The following GRIK2 variants were observed in gnomAD, a reference collection of about 807,000 sequenced individuals.
GRIK2 encodes the protein glutamate ionotropic receptor kainate type subunit 2, also known as glutamate receptor ionotropic, kainate 2.
A neutral mutation model predicts 100.3 loss-of-function variants in GRIK2; 32 were observed. The observed-to-expected ratio is 0.32, with a 90% CI of 0.24 to 0.43. The LOEUF is 0.43. Among genes scored for constraint, GRIK2 ranks in the 20% least tolerant of loss-of-function variants. The pLI, the probability that GRIK2 is intolerant of heterozygous loss-of-function variation, is 1.00. For missense variants in GRIK2, 843 were observed against 1,114.9 expected (o/e 0.76, Z 3.47); for synonymous variants, 417 against 389.4 (o/e 1.07, Z -0.83).
At chr6:101,723,817 C>G (rs1191416929) in intron 7 of GRIK2, among the ~76,000 whole-genome samples, 2 of 152,008 alleles carry the variant, frequency 1.3e-5, no homozygotes, top group Non-Finnish European at 2.9e-5. Context: ...TTAGATTTCT[C>G]TCTTTCTAAC....
At chr6:101,784,761 A>G (rs981725168) in intron 7 of GRIK2, among the ~76,000 whole-genome samples, 1 of 152,124 alleles carries the variant, frequency 6.6e-6, no homozygotes, top group Non-Finnish European at 1.5e-5. Flanking sequence ...CATGTAAGAC[A>G]TACCTTTCTT....
At chr6:101,413,984 A>C (rs1256194722) in intron 2 of GRIK2, among the ~76,000 whole-genome samples, 1 of 152,210 alleles carries the variant, frequency 6.6e-6, no homozygotes, top group Admixed American at 6.5e-5. Flanking sequence ...CTGCTTACCC[A>C]TGTGCCAGAC....
At chr6:101,878,421 A>G (rs1285013111) in intron 11 of GRIK2, among the ~76,000 whole-genome samples, 1 of 151,798 alleles carries the variant, frequency 6.6e-6, no homozygotes, top group African/African-American at 2.4e-5. Flanking sequence ...TCCCCTTCAT[A>G]AAATATCAGT....
At chr6:101,909,682 C>A (rs566024012) in intron 12 of GRIK2, among the ~76,000 whole-genome samples, 12 of 47,804 alleles carry the variant, frequency 2.5e-4, no homozygotes, top group Non-Finnish European at 4.0e-4. Flanking sequence ...TGTTCATTGC[C>A]TTTTTGAAAA....
intron 2 of GRIK2, among the ~76,000 whole-genome samples, chr6:101,485,439 A>G (rs1042074790): frequency 1.3e-5 from 2 of 152,160 alleles, no homozygotes; most frequent in African/African-American, 2.4e-5. Context: ...ATTTTTCTTT[A>G]TAGGAACTTT....
chr6:101,826,754 C>A (rs1050186310), intron 10 of GRIK2, among the ~76,000 whole-genome samples: 1 of 151,780 alleles, frequency 6.6e-6, no homozygotes, highest in African/African-American at 2.4e-5. Flanking sequence ...ATAGTAACAA[C>A]CAACTGAAGG....
chr6:101,417,886 C>T (rs1042285976), intron 2 of GRIK2, among the ~76,000 whole-genome samples: 26 of 152,196 alleles, frequency 1.7e-4, no homozygotes, highest in Non-Finnish European at 1.6e-4. Context: ...AAATAAAGTC[C>T]TTGCATGTAG....
chr6:101,486,391 C>T (rs73504614), intron 2 of GRIK2, among the ~76,000 whole-genome samples: 20,100 of 90,664 alleles, frequency 0.22, 1,997 homozygotes, highest in African/African-American at 0.36. Context: ...GGGGGTGGGG[C>T]GGGGGGGGGA....
At chr6:101,608,717 T>C (rs1031433115) in intron 2 of GRIK2, among the ~76,000 whole-genome samples, 5 of 151,854 alleles carry the variant, frequency 3.3e-5, no homozygotes, top group African/African-American at 1.2e-4. Context: ...TGATTATAAA[T>C]ATGCAGTTCA....
Position 101,802,416 on chromosome 6 carries a change from T to A in GRIK2, c.1181T>A (p.Leu394Gln). 1 of 1,558,266 alleles carries A rather than the reference T, an allele frequency of 6.4e-7. No homozygotes were observed. Among genetic ancestry groups the A allele is most frequent in the Non-Finnish European group, 8.7e-7 (1 of 1,143,252 alleles). ...GATTTTGATTTGGATGTGATCAGTC[T>A]GAAGGAAGAAGGTCTAGAAAAGGTA... ...RTDFDLDVIS[L>Q]KEEGLEKIGT... Residue 394 changes from leucine (L) to glutamine (Q), a missense_variant, in exon 9 of 17, where the codon CTG becomes CAG. Physicochemically the swap from Leu to Gln is moderately radical, Grantham distance 113. This residue lies in a region of GRIK2 where 519 missense variants were observed against 643.8 expected (regional missense o/e 0.81). Transcript: ENST00000369134.
chr6:101,790,190 C>G (rs982635659), intron 7 of GRIK2, among the ~76,000 whole-genome samples: 1 of 151,898 alleles, frequency 6.6e-6, no homozygotes, highest in East Asian at 1.9e-4. Context: ...TAATTGAATA[C>G]CCTTTATTTC....
At chr6:101,537,075 T>C (rs1452996390) in intron 2 of GRIK2, among the ~76,000 whole-genome samples, 4 of 151,860 alleles carry the variant, frequency 2.6e-5, no homozygotes, top group African/African-American at 7.2e-5. Context: ...ATTATTCTAA[T>C]AGACCTAGAA....
chr6:101,590,924 C>G (rs1778611886), intron 2 of GRIK2, among the ~76,000 whole-genome samples: 2 of 152,108 alleles, frequency 1.3e-5, no homozygotes, highest in South Asian at 4.1e-4. Flanking sequence ...TCCCTGGACC[C>G]TGACTAACAC....
At chr6:101,594,407 G>C (rs1353391620) in intron 2 of GRIK2, among the ~76,000 whole-genome samples, 1 of 151,718 alleles carries the variant, frequency 6.6e-6, no homozygotes, top group Non-Finnish European at 1.5e-5. Context: ...TATATTTGAT[G>C]GATGTATTAT....
At chr6:101,501,135 C>G (rs1024961533) in intron 2 of GRIK2, among the ~76,000 whole-genome samples, 1 of 151,942 alleles carries the variant, frequency 6.6e-6, no homozygotes, top group Non-Finnish European at 1.5e-5. Context: ...CCATCTACAA[C>G]AAAATAAGTA....
chr6:101,623,853 T>A (rs1190218009), intron 3 of GRIK2, among the ~76,000 whole-genome samples: 1 of 152,162 alleles, frequency 6.6e-6, no homozygotes, highest in Non-Finnish European at 1.5e-5. Context: ...CTTCTGAATC[T>A]CTTGTTTGTT....
chr6:101,785,695 T>C (rs9498703), intron 7 of GRIK2, among the ~76,000 whole-genome samples: 17,156 of 152,188 alleles, frequency 0.11, 2,085 homozygotes, highest in East Asian at 0.66. Flanking sequence ...TTTATACCAA[T>C]ACCATGCTGT....
intron 2 of GRIK2, among the ~76,000 whole-genome samples, chr6:101,579,865 A>AG (rs1418018866): frequency 1.3e-5 from 2 of 151,702 alleles, no homozygotes; most frequent in South Asian, 2.1e-4. Flanking sequence ...AAAAAAAAAA[A>AG]AAAGAAATGC....
intron 7 of GRIK2, among the ~76,000 whole-genome samples, chr6:101,765,614 G>T (rs913591068): frequency 6.6e-6 from 1 of 152,104 alleles, no homozygotes; most frequent in East Asian, 1.9e-4. Context: ...CCTGGAGGCA[G>T]GTACCTGCTA....
Sources: gnomAD v4.1 joint callset for allele counts (sites outside exome capture counted in the v4.1 genomes callset) on GRCh38, gnomAD v4.1.1 for gene constraint, gnomAD v4.1.1 regional missense constraint, MANE v1.5 for transcripts, NCBI Gene and HGNC (gene_info 2026-07-23, HGNC 2026-07-21) for gene names.